CEPT1: variants seen among roughly 807,000 people sequenced by gnomAD.
The protein encoded by CEPT1 is choline/ethanolamine phosphotransferase 1.
Under a neutral mutation model 42.6 loss-of-function variants are expected in CEPT1, and 7 were observed. The ratio of observed to expected loss-of-function variants is 0.16; its 90% CI spans 0.09 to 0.31. CEPT1 has a LOEUF of 0.31. CEPT1 is among the 10% of genes least tolerant of loss of function. The pLI is 1.00. For missense variants in CEPT1, 306 were observed against 502.1 expected (o/e 0.61, Z 3.73); for synonymous variants, 171 against 171.9 (o/e 0.99, Z 0.04).
intron 6 of CEPT1, 46 bp downstream of exon 6, chr1:111,182,364 G>C: frequency 6.4e-7 from 1 of 1,559,746 alleles, no homozygotes; most frequent in East Asian, 2.3e-5. Context: ...ACTAGGACTT[G>C]GTTTTGTTGT....
intron 1 of CEPT1, among the ~76,000 whole-genome samples, chr1:111,146,171 A>G (rs948402515): frequency 1.3e-5 from 2 of 149,204 alleles, no homozygotes; most frequent in African/African-American, 5.0e-5. Flanking sequence ...TTTTCTTTCA[A>G]TGCTTAATCC....
chr1:111,148,077 A>T (rs764108716), intron 2 of CEPT1, 24 bp downstream of exon 2: 3 of 1,571,488 alleles, frequency 1.9e-6, no homozygotes, highest in Non-Finnish European at 2.6e-6. Context: ...AACAGATCTC[A>T]ACATTTGCTA....
rs199534942 is a variant in CEPT1, at chr1:111,182,967, T to C, written c.1005+10T>C. ...CACTAATAAGCTTGTGGTAAGCACC[T>C]GAGTTTTTATTTGCTGTGTTTTTCA... On this transcript the variant is annotated intron_variant, in intron 7 of 8. Coordinates refer to ENST00000357172, the MANE Select transcript of CEPT1 (RefSeq NM_006090.5). 6.2e-7 allele frequency: 1 copy of C among 1,604,618 alleles called. No homozygotes were observed. The highest frequency in any genetic ancestry group is 2.2e-5 in the East Asian group (1 of 44,732).
At chr1:111,143,965 G>A (rs1654808966) in intron 1 of CEPT1, among the ~76,000 whole-genome samples, 1 of 152,196 alleles carries the variant, frequency 6.6e-6, no homozygotes, top group Admixed American at 6.5e-5. Flanking sequence ...CCTGAGCTCA[G>A]GTGATCCACC....
chr1:111,154,160 C>A (rs764198350), intron 2 of CEPT1, among the ~76,000 whole-genome samples: 3 of 151,082 alleles, frequency 2.0e-5, no homozygotes, highest in Non-Finnish European at 4.4e-5. Flanking sequence ...GGAGATCTTT[C>A]AACTCCTTGG....
chr1:111,167,591 A>T, intron 4 of CEPT1: 5 of 972,240 alleles, frequency 5.1e-6, no homozygotes, highest in Non-Finnish European at 6.1e-6. Flanking sequence ...TTCTATATTA[A>T]TGTAGGAAAG....
intron 4 of CEPT1, among the ~76,000 whole-genome samples, chr1:111,163,156 C>T (rs980091258): frequency 8.0e-5 from 12 of 150,160 alleles, no homozygotes; most frequent in African/African-American, 2.5e-4. Context: ...GGGTTGGGGG[C>T]GGGGGGAAAC....
intron 2 of CEPT1, among the ~76,000 whole-genome samples, chr1:111,149,474 G>A (rs1655154745): frequency 6.6e-6 from 1 of 152,054 alleles, no homozygotes; most frequent in African/African-American, 2.4e-5. Flanking sequence ...TGTTGGTCAG[G>A]CTGCTCTGGA....
intron 2 of CEPT1, among the ~76,000 whole-genome samples, chr1:111,157,020 G>T (rs1355197914): frequency 2.0e-5 from 3 of 152,104 alleles, no homozygotes; most frequent in Non-Finnish European, 4.4e-5. Flanking sequence ...CATTCATTCA[G>T]TATCTCCCCC....
At chr1:111,159,794 C>A in intron 3 of CEPT1, 1 of 279,384 alleles carries the variant, frequency 3.6e-6, no homozygotes, top group Non-Finnish European at 6.7e-6. Context: ...TTGTCACCAT[C>A]AAAACTCTTA....
At chr1:111,181,950 G>A (rs1327481331) in intron 5 of CEPT1, 1 of 283,170 alleles carries the variant, frequency 3.5e-6, no homozygotes, top group Admixed American at 5.1e-5. Flanking sequence ...AGTTGAATCT[G>A]GTTTTTTTGT....
intron 2 of CEPT1, among the ~76,000 whole-genome samples, chr1:111,153,621 T>C (rs1331660430): frequency 6.6e-6 from 1 of 152,240 alleles, no homozygotes; most frequent in Non-Finnish European, 1.5e-5. Flanking sequence ...TGTAAGTCTT[T>C]AATCCATTTG....
At position 111,155,619 on chromosome 1, in the gene CEPT1, A is replaced by G. The variant is rs1571125891; in HGVS notation, c.340-3761A>G. Among the ~76,000 whole-genome samples, 8 of 151,844 alleles carry G rather than the reference A, an allele frequency of 5.3e-5. No individual in the cohort carries two copies. The South Asian group carries it at 1.7e-3, about 31-fold the overall frequency. ...CAATGGCATGATCTTGGCTTACTGC[A>G]ACCTCCGCCTCACCTGGGAGGCGAT... On this transcript the variant is annotated intron_variant, in intron 2 of 8. Transcript: ENST00000357172.
chr1:111,165,160 C>T (rs1656080612), intron 4 of CEPT1, among the ~76,000 whole-genome samples: 1 of 148,238 alleles, frequency 6.7e-6, no homozygotes, highest in African/African-American at 2.5e-5. Flanking sequence ...TGCCATTCTC[C>T]TGCCTCAGCC....
At chr1:111,161,066 C>G (rs1427331052) in intron 3 of CEPT1, 89 bp from the exon 4 acceptor site, 1 of 1,324,670 alleles carries the variant, frequency 7.5e-7, no homozygotes, top group Non-Finnish European at 1.1e-6. Context: ...GCATTTACAG[C>G]ATATCTTTTT....
At chr1:111,160,862 G>GT (rs1208335272) in intron 3 of CEPT1, 1 of 399,782 alleles carries the variant, frequency 2.5e-6, no homozygotes, top group African/African-American at 2.1e-5. Flanking sequence ...CTGATCATTA[G>GT]TACTAGTGTC....
Position 111,182,924 on chromosome 1 carries a change from T to C in CEPT1, c.972T>C (p.Gly324=). Residue 324 remains glycine (G), a synonymous_variant, in exon 7 of 9, where the codon GGT becomes GGC. Coordinates refer to ENST00000357172, the MANE Select transcript of CEPT1 (RefSeq NM_006090.5). Reference sequence around the variant, plus strand: ...CCTGTCTTTATATACTGACATTTGGTTTTGTGTCTGCTAAAATCACTAATA... The same window carrying C: ...CCTGTCTTTATATACTGACATTTGGCTTTGTGTCTGCTAAAATCACTAATA... ...KHPCLYILTF[G]FVSAKITNKL... 1 of 1,613,452 alleles carries C rather than the reference T, an allele frequency of 6.2e-7. No homozygotes were observed. Among genetic ancestry groups the C allele is most frequent in the Non-Finnish European group, 8.5e-7 (1 of 1,179,662 alleles).
chr1:111,182,148 G>C, intron 5 of CEPT1, 39 bp from the exon 6 acceptor site: 6 of 1,482,018 alleles, frequency 4.0e-6, no homozygotes, highest in Non-Finnish European at 5.5e-6. Flanking sequence ...ATTTTAGTTT[G>C]TATATGTTTT....
chr1:111,164,103 G>A (rs893204949), intron 4 of CEPT1, among the ~76,000 whole-genome samples: 9 of 152,082 alleles, frequency 5.9e-5, no homozygotes, highest in South Asian at 2.1e-4. Flanking sequence ...TATTATTACT[G>A]TTTTTAATTG....
Sources: allele counts gnomAD v4.1 joint callset (sites outside exome capture counted in the v4.1 genomes callset), GRCh38; gene constraint gnomAD v4.1.1; transcripts MANE v1.5; gene names NCBI Gene and HGNC (gene_info 2026-07-23, HGNC 2026-07-21).